PARD3B: variants seen among roughly 807,000 people sequenced by gnomAD.
PARD3B encodes partitioning defective 3 homolog B.
PARD3B carries 103 observed loss-of-function variants against 130.2 expected under a neutral mutation model. The observed-to-expected ratio is 0.79, with a 90% CI of 0.67 to 0.93. PARD3B has a LOEUF of 0.93. PARD3B is among the 40% of genes least tolerant of loss of function. The pLI is 0.00. For missense variants in PARD3B, 1,609 were observed against 1,499.2 expected (o/e 1.07, Z -1.21); for synonymous variants, 583 against 553.2 (o/e 1.05, Z -0.76).
intron 22 of PARD3B, among the ~76,000 whole-genome samples, chr2:205,566,087 A>C (rs952050065): frequency 1.3e-5 from 2 of 152,198 alleles, no homozygotes; most frequent in African/African-American, 4.8e-5. Flanking sequence ...AGAACACGTA[A>C]TGAACAGACT....
chr2:204,821,203 A>G (rs2043339249), intron 2 of PARD3B, among the ~76,000 whole-genome samples: 1 of 152,146 alleles, frequency 6.6e-6, no homozygotes. Context: ...CCTGGTGGGA[A>G]ACAACTGACT....
chr2:205,419,998 C>T (rs913418660), intron 19 of PARD3B, among the ~76,000 whole-genome samples: 3 of 152,150 alleles, frequency 2.0e-5, no homozygotes, highest in East Asian at 3.9e-4. Flanking sequence ...CCAAGAGATT[C>T]GAACCAAAAG....
At chr2:204,837,437 T>C (rs1007648461) in intron 2 of PARD3B, among the ~76,000 whole-genome samples, 1 of 151,830 alleles carries the variant, frequency 6.6e-6, no homozygotes, top group Non-Finnish European at 1.5e-5. Context: ...TTTTTTTTTT[T>C]TGAGACAGAT....
At chr2:204,628,098 A>C (rs1182356653) in intron 1 of PARD3B, among the ~76,000 whole-genome samples, 2 of 151,610 alleles carry the variant, frequency 1.3e-5, no homozygotes, top group African/African-American at 4.8e-5. Flanking sequence ...AAGATTGGAC[A>C]CCCCTGATTT....
chr2:204,871,999 A>C (rs1470289545), intron 2 of PARD3B, among the ~76,000 whole-genome samples: 2 of 152,140 alleles, frequency 1.3e-5, no homozygotes, highest in Non-Finnish European at 2.9e-5. Context: ...CTACTGAGCA[A>C]CTCAAAAAAC....
At chr2:204,617,520 C>T (rs1202942547) in intron 1 of PARD3B, among the ~76,000 whole-genome samples, 1 of 152,132 alleles carries the variant, frequency 6.6e-6, no homozygotes, top group Admixed American at 6.6e-5. Context: ...AATGTACAAG[C>T]ATGTGGAATG....
intron 19 of PARD3B, among the ~76,000 whole-genome samples, chr2:205,439,061 T>C (rs115370531): frequency 0.021 from 3,128 of 152,258 alleles, 41 homozygotes; most frequent in Non-Finnish European, 0.029. Flanking sequence ...AAGAGAAAAA[T>C]ACCTCAGAAA....
chr2:205,560,943 G>T (rs1445463963), intron 22 of PARD3B, among the ~76,000 whole-genome samples: 2 of 152,140 alleles, frequency 1.3e-5, no homozygotes, highest in Admixed American at 1.3e-4. Flanking sequence ...GAAGAAATAC[G>T]CCATAAGAGC....
chr2:204,638,911 A>G (rs1240029999), intron 1 of PARD3B, among the ~76,000 whole-genome samples: 2 of 152,164 alleles, frequency 1.3e-5, no homozygotes, highest in African/African-American at 2.4e-5. Flanking sequence ...AGATTCCTCC[A>G]TGGCCAAGTA....
At chr2:205,186,394 A>G (rs910177108) in intron 14 of PARD3B, among the ~76,000 whole-genome samples, 13 of 152,336 alleles carry the variant, frequency 8.5e-5, no homozygotes, top group African/African-American at 2.9e-4. Flanking sequence ...GAATCACACA[A>G]GAATGAGAGA....
At chr2:205,247,472 C>CAGGT (rs2039619823) in intron 16 of PARD3B, among the ~76,000 whole-genome samples, 2 of 152,286 alleles carry the variant, frequency 1.3e-5, no homozygotes, top group African/African-American at 4.8e-5. Context: ...AGCTGTCACA[C>CAGGT]AGGTTCATTG....
At chr2:205,059,082 G>A (rs1047437591) in intron 4 of PARD3B, among the ~76,000 whole-genome samples, 1 of 151,592 alleles carries the variant, frequency 6.6e-6, no homozygotes, top group African/African-American at 2.4e-5. Flanking sequence ...TTAGGTCTTC[G>A]ATTTATTTTG....
chr2:204,986,879 G>T (rs1466459304), intron 3 of PARD3B, among the ~76,000 whole-genome samples: 2 of 152,268 alleles, frequency 1.3e-5, no homozygotes, highest in South Asian at 4.1e-4. Context: ...GTCATGTGTT[G>T]CATATCTCCC....
intron 21 of PARD3B, among the ~76,000 whole-genome samples, chr2:205,509,770 T>A (rs1462150207): frequency 3.3e-5 from 5 of 152,186 alleles, no homozygotes; most frequent in Admixed American, 3.3e-4. Context: ...TACACAGAGC[T>A]CCCTGTCTGA....
At chr2:204,895,364 A>G (rs1462456511) in intron 2 of PARD3B, among the ~76,000 whole-genome samples, 8 of 152,120 alleles carry the variant, frequency 5.3e-5, no homozygotes, top group Non-Finnish European at 1.5e-5. Context: ...TGAAATATCT[A>G]TAACTTTGCA....
rs1371212426 is a variant in PARD3B at position 205,341,962 on chromosome 2, G to A, written c.2630+40261G>A. 6.6e-6 allele frequency among the ~76,000 whole-genome samples: 1 copy of A among 152,110 alleles called. No individual in the cohort carries two copies. Among genetic ancestry groups the A allele is most frequent in the Non-Finnish European group, 1.5e-5 (1 of 67,984 alleles). ...TATGGGACCACTGTCATATATGTAT[G>A]TGGTCCCTAGTTAATCAAAACAGCA... On this transcript the variant is annotated intron_variant, in intron 18 of 22. Coordinates refer to ENST00000406610, the MANE Select transcript of PARD3B (RefSeq NM_001302769.2). The surrounding 1 kb of genome is among the most constrained non-coding windows in gnomAD (Gnocchi z 4.3).
chr2:205,547,344 T>C (rs2052422499), intron 21 of PARD3B, among the ~76,000 whole-genome samples: 2 of 152,196 alleles, frequency 1.3e-5, no homozygotes, highest in African/African-American at 2.4e-5. Context: ...CACCATCTCA[T>C]TGCCGATTCC....
intron 2 of PARD3B, among the ~76,000 whole-genome samples, chr2:204,838,139 G>GAGA (rs1559186415): frequency 1.4e-5 from 2 of 138,624 alleles, no homozygotes. Flanking sequence ...GCAAGAGGAG[G>GAGA]CTTTTCAGAA....
chr2:205,058,935 T>G (rs534436077), intron 4 of PARD3B, among the ~76,000 whole-genome samples: 1 of 146,058 alleles, frequency 6.8e-6, no homozygotes, highest in South Asian at 2.3e-4. Flanking sequence ...TTTTTAATTT[T>G]CATGAAGTTC....
Sources: gnomAD v4.1 joint callset for allele counts (sites outside exome capture counted in the v4.1 genomes callset) on GRCh38, gnomAD v4.1.1 for gene constraint, Gnocchi (gnomAD v3.1) non-coding constraint, MANE v1.5 for transcripts, NCBI Gene and HGNC (gene_info 2026-07-23, HGNC 2026-07-21) for gene names.